The following IGSF9B variants were observed in gnomAD, a reference collection of about 807,000 sequenced individuals.
The protein encoded by IGSF9B is immunoglobulin superfamily member 9B.
Under a neutral mutation model 143.7 loss-of-function variants are expected in IGSF9B, and 48 were observed. The ratio of observed to expected loss-of-function variants is 0.33; its 90% CI spans 0.26 to 0.42. The LOEUF (loss-of-function observed/expected upper bound fraction) is 0.42, where lower values mean the gene tolerates loss of function less well. Ranked by LOEUF, IGSF9B falls within the 20% of genes least tolerant of loss-of-function variation. IGSF9B has a pLI of 1.00. For synonymous variants in IGSF9B, 903 were observed against 833.1 expected, an observed-to-expected ratio of 1.08 and a Z score of -1.44; for missense variants, 1,706 against 1,980.0, an observed-to-expected ratio of 0.86 and a Z score of 2.63.
Position 133,919,844 on chromosome 11 carries a change from G to C in IGSF9B, c.3881C>G (p.Pro1294Arg), listed in dbSNP as rs910930819. 3 of 1,581,902 alleles carry C rather than the reference G, an allele frequency of 1.9e-6. No homozygotes were observed. Among genetic ancestry groups the C allele is most frequent in the Middle Eastern group, 1.7e-4 (1 of 5,908 alleles). The change falls in exon 18 of 20, where the codon CCT becomes CGT. Residue 1294 changes from proline to arginine, a missense_variant. Physicochemically the swap from Pro to Arg is moderately radical, Grantham distance 103 (BLOSUM62 -2). Coordinates refer to ENST00000533871, the MANE Select transcript of IGSF9B (RefSeq NM_001277285.4). ...SPPPGPAPAG[P>R]GDSLDVFGQT... is the part of the protein sequence containing the mutation. ...TCCAAACACGTCCAAGCTGTCCCCA[G>C]GCCCAGCAGGGGCGGGGCCGGGTGG...
rs1939675467 is a variant in IGSF9B at position 133,928,862 on chromosome 11, A to G, written c.1631+809T>C. Among the ~76,000 whole-genome samples the G allele has an allele frequency of 6.6e-6, 1 of 152,208 alleles. No individual in the cohort carries two copies. Among genetic ancestry groups the G allele is most frequent in the Non-Finnish European group, 1.5e-5 (1 of 68,032 alleles). The stretch of plus-strand genomic sequence containing the variant: ...CTAAACTGACAACAGAGGAATGAAA[A>G]CAATCGAGAAACACATGGTCCTAGA... On this transcript the variant is annotated intron_variant, in intron 12 of 19. Coordinates refer to ENST00000533871, the MANE Select transcript of IGSF9B (RefSeq NM_001277285.4). The surrounding 1 kb of genome is among the most constrained non-coding windows in gnomAD (Gnocchi z 4.7).
chr11:133,913,460 A>G lies in IGSF9B; in HGVS notation c.3984-1453T>C, dbSNP rs1939330703. Among the ~76,000 whole-genome samples the G allele has an allele frequency of 1.3e-5, 2 of 152,238 alleles. No individual in the cohort carries two copies. The highest frequency in any genetic ancestry group is 4.8e-5 in the African/African-American group (2 of 41,472). On this transcript the variant is annotated intron_variant, in intron 18 of 19. Transcript: ENST00000533871. This position sits in a 1 kb window ranked among gnomAD's most constrained non-coding sequence, Gnocchi z 4.6. Reference sequence around the variant, plus strand: ...GCCTCTGGTCTCTGGGGTTTCCTGCATGCACTGGCAATGCAGTGACCTCCA... The same window carrying G: ...GCCTCTGGTCTCTGGGGTTTCCTGCGTGCACTGGCAATGCAGTGACCTCCA...
At chr11:133,947,205 C>T (rs572767679) in intron 1 of IGSF9B, among the ~76,000 whole-genome samples, 13 of 152,298 alleles carry the variant, frequency 8.5e-5, no homozygotes, top group South Asian at 6.2e-4. Context: ...GCACCCCAAG[C>T]GCCGCAGCAC....
rs1216487133 is a variant in IGSF9B, at chr11:133,902,491, C to T, written c.*6578G>A. ...ACACACACCACACACAACACACACA[C>T]ACACCAGACATGCACACCACACACA... On this transcript the variant is annotated 3_prime_UTR_variant, in exon 20 of 20. Transcript: ENST00000533871. 9.9e-6 allele frequency among the ~76,000 whole-genome samples: 1 copy of T among 101,488 alleles called. No homozygotes were observed. The highest frequency in any genetic ancestry group is 2.4e-5 in the Non-Finnish European group (1 of 42,442). 66.6% of individuals were successfully genotyped at this position (101,488 alleles called of 152,430 possible).
chr11:133,918,946 A>AG, intron 18 of IGSF9B: 1 of 463,716 alleles, frequency 2.2e-6, no homozygotes, highest in Non-Finnish European at 4.4e-6. Context: ...AAGGAGGGGC[A>AG]GGGGGAGGAG....
intron 2 of IGSF9B, 119 bp from the exon 3 acceptor site, chr11:133,944,485 C>T (rs1565447552): frequency 9.3e-7 from 1 of 1,080,940 alleles, no homozygotes; most frequent in East Asian, 2.6e-5. Context: ...TTCCCTATGG[C>T]AGGGCTCCAG....
At chr11:133,926,889 T>C (rs1170141125) in intron 13 of IGSF9B, 27 bp downstream of exon 13, 2 of 1,546,256 alleles carry the variant, frequency 1.3e-6, no homozygotes, top group Non-Finnish European at 1.8e-6. Context: ...CAACCCCCGC[T>C]CCCAACATCC....
chr11:133,920,092 G>A lies in IGSF9B; in HGVS notation c.3633C>T (p.Ser1211=), dbSNP rs1939489542. The A allele has an allele frequency of 6.6e-7, 1 of 1,523,080 alleles. No individual in the cohort carries two copies. Among genetic ancestry groups the A allele is most frequent in the African/African-American group, 1.4e-5 (1 of 71,818 alleles). 94.3% of individuals were successfully genotyped at this position (1,523,080 alleles called of 1,614,324 possible). ...LSPLTQSPLS[S]RTGSPELAAR... ...CGGCGAGCTCAGGGGAGCCGGTGCG[G>A]GAGCTGAGGGGGCTTTGGGTCAGAG... The change falls in exon 18 of 20, where the codon TCC becomes TCT. Residue 1211 remains serine (S), a synonymous_variant. Transcript: ENST00000533871.
At chr11:133,938,362 G>T (rs944624470) in intron 3 of IGSF9B, among the ~76,000 whole-genome samples, 1 of 152,152 alleles carries the variant, frequency 6.6e-6, no homozygotes, top group Non-Finnish European at 1.5e-5. Flanking sequence ...CGCGTTTCCA[G>T]GACACTTGCC....
At chr11:133,917,885 C>T (rs1245854349) in intron 18 of IGSF9B, among the ~76,000 whole-genome samples, 1 of 152,048 alleles carries the variant, frequency 6.6e-6, no homozygotes, top group African/African-American at 2.4e-5. Flanking sequence ...CCCAAGGGTG[C>T]AGAGATGCAA....
rs1344405528 is a variant in IGSF9B, at chr11:133,929,785, G to A, written c.1520-3C>T. On this transcript the variant is annotated splice_polypyrimidine_tract_variant and splice_region_variant and intron_variant, in intron 11 of 19. Coordinates refer to ENST00000533871, the MANE Select transcript of IGSF9B (RefSeq NM_001277285.4). Reference sequence around the variant, plus strand: ...GCCCGGGGCATGGGGGCTGGTGCCTGGAGATCAAGTGGAGACCTCTCAGAC... The same window carrying A: ...GCCCGGGGCATGGGGGCTGGTGCCTAGAGATCAAGTGGAGACCTCTCAGAC... 2 of 1,605,070 alleles carry A rather than the reference G, an allele frequency of 1.2e-6. No homozygotes were observed. The highest frequency in any genetic ancestry group is 1.7e-6 in the Non-Finnish European group (2 of 1,172,168).
chr11:133,947,061 C>T (rs887032331), intron 1 of IGSF9B, among the ~76,000 whole-genome samples: 3 of 152,160 alleles, frequency 2.0e-5, no homozygotes, highest in Non-Finnish European at 2.9e-5. Context: ...CAGAGGAAAA[C>T]GAAATCAGAC....
In IGSF9B at chr11:133,898,096, A is replaced by G. The variant is rs1466363319; in HGVS notation, c.*10973T>C. On this transcript the variant is annotated 3_prime_UTR_variant, in exon 20 of 20. Coordinates refer to ENST00000533871, the MANE Select transcript of IGSF9B (RefSeq NM_001277285.4). ...CGAGAACAGCACCATGAAGCACCCT[A>G]GCGCAGTGATGTTGTAATACTCAAC... 1 of 151,810 alleles carries G rather than the reference A, an allele frequency of 6.6e-6. No homozygotes were observed. Among genetic ancestry groups the G allele is most frequent in the African/African-American group, 2.4e-5 (1 of 41,394 alleles). 9.4% of individuals were successfully genotyped at this position (151,810 alleles called of 1,614,324 possible).
chr11:133,926,111 G>A (rs1411676854), intron 13 of IGSF9B, 146 bp from the exon 14 acceptor site: 2 of 632,718 alleles, frequency 3.2e-6, no homozygotes, highest in Non-Finnish European at 5.7e-6. Context: ...TCTGCCTTCA[G>A]AGTACGTCTA....
chr11:133,939,553 G>A (rs945575893), intron 3 of IGSF9B, among the ~76,000 whole-genome samples: 3 of 152,238 alleles, frequency 2.0e-5, no homozygotes, highest in South Asian at 2.1e-4. Context: ...AATGAGTGGT[G>A]TTCACACATA....
intron 1 of IGSF9B, among the ~76,000 whole-genome samples, chr11:133,952,493 C>T (rs1205559487): frequency 1.3e-5 from 2 of 152,158 alleles, no homozygotes; most frequent in African/African-American, 2.4e-5. Context: ...GCCCCCACCT[C>T]GTGTCTGCAC....
intron 18 of IGSF9B, among the ~76,000 whole-genome samples, chr11:133,917,882 G>T (rs1034231825): frequency 2.0e-5 from 3 of 152,098 alleles, no homozygotes; most frequent in African/African-American, 7.2e-5. Flanking sequence ...GTCCCCAAGG[G>T]TGCAGAGATG....
rs1345183828 is a variant in IGSF9B, at chr11:133,948,463, A to C, written c.65-2205T>G. On this transcript the variant is annotated intron_variant, in intron 1 of 19. Transcript: ENST00000533871. This position sits in a 1 kb window ranked among gnomAD's most constrained non-coding sequence, Gnocchi z 4.7. The stretch of plus-strand genomic sequence containing the variant: ...AAGTTTGCAACCCAGCCCCTCAGGG[A>C]AAGCAGGGAGAGTGCCCAGCTGCAG... Among the ~76,000 whole-genome samples the C allele has an allele frequency of 1.2e-4, 18 of 152,048 alleles. No individual in the cohort carries two copies.
rs765137380 is a variant in IGSF9B, at chr11:133,902,301, C to T, written c.*6768G>A. Among the ~76,000 whole-genome samples the T allele has an allele frequency of 6.1e-5, 9 of 147,918 alleles. No individual in the cohort carries two copies. The South Asian group carries it at 6.6e-4, about 11-fold the overall frequency. ...ACACACCAGACACATCACACATACA[C>T]GCACACCACAGATACACACACACCA... On this transcript the variant is annotated 3_prime_UTR_variant, in exon 20 of 20. Transcript: ENST00000533871.
Sources: gnomAD v4.1 joint callset for allele counts (sites outside exome capture counted in the v4.1 genomes callset) on GRCh38, gnomAD v4.1.1 for gene constraint, Gnocchi (gnomAD v3.1) non-coding constraint, MANE v1.5 for transcripts, NCBI Gene and HGNC (gene_info 2026-07-23, HGNC 2026-07-21) for gene names.